The following GRM8 variants were observed in gnomAD, a reference collection of about 807,000 sequenced individuals.
GRM8 encodes the protein glutamate metabotropic receptor 8.
Under a neutral mutation model 87.2 loss-of-function variants are expected in GRM8, and 47 were observed. That is an observed-to-expected ratio of 0.54 (90% CI 0.43 to 0.69). GRM8 has a LOEUF of 0.69. Ranked by LOEUF, GRM8 falls within the 30% of genes least tolerant of loss-of-function variation. The probability of loss-of-function intolerance (pLI) is 0.00; values close to 1 mark genes in which losing one functional copy is unlikely to be tolerated. For missense variants in GRM8, 1,019 were observed against 1,139.2 expected (o/e 0.89, Z 1.52); for synonymous variants, 396 against 404.5 (o/e 0.98, Z 0.25).
intron 6 of GRM8, among the ~76,000 whole-genome samples, chr7:126,849,439 G>A (rs1797004872): frequency 6.6e-6 from 1 of 152,092 alleles, no homozygotes; most frequent in Non-Finnish European, 1.5e-5. Flanking sequence ...ATAAGCAGAG[G>A]AGTTCATAGC....
At chr7:126,969,960 G>A (rs971048438) in intron 3 of GRM8, among the ~76,000 whole-genome samples, 1 of 151,942 alleles carries the variant, frequency 6.6e-6, no homozygotes, top group Non-Finnish European at 1.5e-5. Flanking sequence ...TGGAAGACTA[G>A]GTGTGTTCTC....
chr7:126,626,512 G>A (rs2151158929), intron 7 of GRM8, among the ~76,000 whole-genome samples: 1 of 152,124 alleles, frequency 6.6e-6, no homozygotes, highest in East Asian at 1.9e-4. Flanking sequence ...CTACTGGCTG[G>A]AGCAATGCTT....
chr7:127,092,743 A>G (rs190638821), intron 3 of GRM8, among the ~76,000 whole-genome samples: 1 of 152,258 alleles, frequency 6.6e-6, no homozygotes, highest in East Asian at 1.9e-4. Flanking sequence ...GAAAATGTTA[A>G]CCAAACTAAC....
chr7:126,804,875 T>G (rs1792501789), intron 6 of GRM8, among the ~76,000 whole-genome samples: 1 of 152,156 alleles, frequency 6.6e-6, no homozygotes, highest in Non-Finnish European at 1.5e-5. Flanking sequence ...CTTAACCAAC[T>G]CTATCTTGCT....
chr7:126,925,793 C>G (rs1805042289), intron 3 of GRM8, among the ~76,000 whole-genome samples: 1 of 152,152 alleles, frequency 6.6e-6, no homozygotes, highest in Non-Finnish European at 1.5e-5. Context: ...TTCTTAGCTA[C>G]CTAATATCCC....
intron 2 of GRM8, among the ~76,000 whole-genome samples, chr7:127,145,382 G>C (rs1285028969): frequency 6.6e-6 from 1 of 152,056 alleles, no homozygotes; most frequent in South Asian, 2.1e-4. Flanking sequence ...TATAATAATT[G>C]TTTCAAGGAA....
intron 8 of GRM8, among the ~76,000 whole-genome samples, chr7:126,563,570 A>G (rs1227615391): frequency 6.6e-6 from 1 of 152,140 alleles, no homozygotes. Flanking sequence ...TTCCTCTTAA[A>G]TCTCATTTTT....
At chr7:126,545,190 G>C (rs534736812) in intron 8 of GRM8, among the ~76,000 whole-genome samples, 89 of 152,228 alleles carry the variant, frequency 5.8e-4, no homozygotes, top group African/African-American at 2.0e-3. Flanking sequence ...TTGTGGATGC[G>C]GTGGTTTAAG....
chr7:126,581,377 C>T (rs1471332227), intron 8 of GRM8, among the ~76,000 whole-genome samples: 1 of 152,042 alleles, frequency 6.6e-6, no homozygotes, highest in Non-Finnish European at 1.5e-5. Flanking sequence ...CCAGTAATTG[C>T]TTATCCAGCT....
intron 2 of GRM8, among the ~76,000 whole-genome samples, chr7:127,147,731 A>G (rs1385302008): frequency 1.3e-5 from 2 of 151,954 alleles, no homozygotes; most frequent in African/African-American, 4.8e-5. Context: ...CCTTTCATCT[A>G]TAATGCCTGA....
chr7:126,533,548 G>A lies in GRM8; in HGVS notation c.1834C>T (p.Pro612Ser), dbSNP rs1815190812. 3.1e-6 allele frequency: 5 copies of A among 1,613,912 alleles called. No individual in the cohort carries two copies. In the South Asian group the frequency reaches 5.5e-5, roughly 18 times the overall value. Residue 612 changes from proline to serine, a missense_variant, in exon 9 of 11, where the codon CCT becomes TCT. By Grantham distance (74) the Pro-to-Ser change is moderately conservative. Transcript: ENST00000339582. ...IVTFVRYNDT[P>S]IVRASGRELS... ...TCGCGTCCTGAAGCCCTCACGATAG[G>A]TGTGTCATTATAGCGGACAAAGGTC...
chr7:127,165,190 A>ATATATG (rs1793377367), intron 2 of GRM8, among the ~76,000 whole-genome samples: 2 of 105,736 alleles, frequency 1.9e-5, no homozygotes, highest in African/African-American at 7.3e-5. Flanking sequence ...ATATATATAT[A>ATATATG]TATTCAGGTT....
At chr7:127,115,289 A>G (rs987366544) in intron 2 of GRM8, among the ~76,000 whole-genome samples, 8 of 152,134 alleles carry the variant, frequency 5.3e-5, no homozygotes, top group Admixed American at 4.6e-4. Context: ...GGCACCATTA[A>G]TCATTGCTCA....
At chr7:126,577,684 A>G (rs1454013701) in intron 8 of GRM8, among the ~76,000 whole-genome samples, 1 of 152,204 alleles carries the variant, frequency 6.6e-6, no homozygotes, top group African/African-American at 2.4e-5. Flanking sequence ...AAGCAACTTA[A>G]GTATTAATTG....
At chr7:127,120,763 T>C (rs1246739448) in intron 2 of GRM8, among the ~76,000 whole-genome samples, 1 of 152,238 alleles carries the variant, frequency 6.6e-6, no homozygotes, top group Non-Finnish European at 1.5e-5. Flanking sequence ...AGTTGATGCC[T>C]TGAACATTAT....
At chr7:126,706,209 G>A (rs1419820603) in intron 7 of GRM8, among the ~76,000 whole-genome samples, 3 of 151,844 alleles carry the variant, frequency 2.0e-5, no homozygotes, top group Non-Finnish European at 4.4e-5. Context: ...TTTAATCAGG[G>A]GTCTCCAGAG....
At chr7:126,684,839 A>C (rs1807991339) in intron 7 of GRM8, among the ~76,000 whole-genome samples, 1 of 152,184 alleles carries the variant, frequency 6.6e-6, no homozygotes, top group Non-Finnish European at 1.5e-5. Flanking sequence ...GAAGTCTGAA[A>C]ATATGGACTT....
At chr7:127,041,561 C>A (rs1375457933) in intron 3 of GRM8, among the ~76,000 whole-genome samples, 1 of 152,106 alleles carries the variant, frequency 6.6e-6, no homozygotes, top group Non-Finnish European at 1.5e-5. Context: ...TACCAACAGG[C>A]AATTATAGTA....
intron 6 of GRM8, among the ~76,000 whole-genome samples, chr7:126,843,513 CA>C (rs1796454883): frequency 6.6e-6 from 1 of 152,204 alleles, no homozygotes; most frequent in Non-Finnish European, 1.5e-5. Flanking sequence ...TAGCATCCTG[CA>C]AAAATGCATG....
Sources: gnomAD v4.1 joint callset for allele counts (sites outside exome capture counted in the v4.1 genomes callset) on GRCh38, gnomAD v4.1.1 for gene constraint, MANE v1.5 for transcripts, NCBI Gene and HGNC (gene_info 2026-07-23, HGNC 2026-07-21) for gene names.